Variants in VPS13A observed in about 807,000 individuals in gnomAD.
VPS13A encodes intermembrane lipid transfer protein VPS13A.
A neutral mutation model predicts 390.9 loss-of-function variants in VPS13A; 264 were observed. The observed-to-expected ratio is 0.68, with a 90% CI of 0.61 to 0.75. The LOEUF is 0.75. VPS13A is among the 30% of genes least tolerant of loss of function. The probability of loss-of-function intolerance (pLI) is 0.00; values close to 1 mark genes in which losing one functional copy is unlikely to be tolerated. For missense variants in VPS13A, 3,409 were observed against 3,733.9 expected, an observed-to-expected ratio of 0.91 and a Z score of 2.27; for synonymous variants, 1,231 against 1,227.1, an observed-to-expected ratio of 1.00 and a Z score of -0.07.
chr9:77,381,829 T>A (rs919074191), intron 67 of VPS13A, 147 bp from the exon 68 acceptor site: 68 of 608,044 alleles, frequency 1.1e-4, no homozygotes, highest in Non-Finnish European at 2.3e-5. Context: ...GAACTTACAC[T>A]GTTTATGTTA....
At chr9:77,369,718 A>C (rs769828938) in intron 63 of VPS13A, among the ~76,000 whole-genome samples, 2 of 152,230 alleles carry the variant, frequency 1.3e-5, no homozygotes, top group Non-Finnish European at 2.9e-5. Context: ...GAACTATAAA[A>C]ATAATCATGC....
intron 67 of VPS13A, among the ~76,000 whole-genome samples, chr9:77,378,556 T>A (rs1329081350): frequency 6.6e-6 from 1 of 152,100 alleles, no homozygotes; most frequent in Non-Finnish European, 1.5e-5. Flanking sequence ...GTGTTCCCTC[T>A]TTAATTCCTG....
At chr9:77,398,560 C>G (rs945021578) in intron 68 of VPS13A, among the ~76,000 whole-genome samples, 2 of 152,086 alleles carry the variant, frequency 1.3e-5, no homozygotes, top group African/African-American at 4.8e-5. Context: ...TTTGAGTAGT[C>G]TAAAGCTTCT....
At chr9:77,386,497 G>GAAA (rs566405140) in intron 68 of VPS13A, among the ~76,000 whole-genome samples, 2 of 148,738 alleles carry the variant, frequency 1.3e-5, no homozygotes, top group Non-Finnish European at 1.5e-5. Context: ...GAATTTATCG[G>GAAA]AAAAAAAAAA....
At chr9:77,363,221 T>C (rs1221865700) in intron 59 of VPS13A, among the ~76,000 whole-genome samples, 1 of 152,014 alleles carries the variant, frequency 6.6e-6, no homozygotes, top group Non-Finnish European at 1.5e-5. Flanking sequence ...GAGTATGATA[T>C]TGACCCTGGG....
At chr9:77,311,172 C>G (rs1829051808) in intron 35 of VPS13A, among the ~76,000 whole-genome samples, 1 of 152,104 alleles carries the variant, frequency 6.6e-6, no homozygotes, top group African/African-American at 2.4e-5. Context: ...GATCCCCCTG[C>G]CTCGGTCTCC....
intron 34 of VPS13A, among the ~76,000 whole-genome samples, chr9:77,304,442 T>C (rs1246197477): frequency 6.6e-6 from 1 of 152,170 alleles, no homozygotes; most frequent in African/African-American, 2.4e-5. Context: ...TCTCTCTTTC[T>C]TTTCCCTACA....
chr9:77,200,046 TC>T (rs1825234867), intron 2 of VPS13A, 58 bp downstream of exon 2: 1 of 1,392,538 alleles, frequency 7.2e-7, no homozygotes, highest in Non-Finnish European at 1.0e-6. Flanking sequence ...GTATAATTCT[TC>T]CTGATTCAGT....
intron 7 of VPS13A, chr9:77,211,565 G>A (rs1048362311): frequency 6.6e-6 from 1 of 152,034 alleles, no homozygotes; most frequent in African/African-American, 2.4e-5. Flanking sequence ...GCCAGAGCAG[G>A]CTCAGAGAGA....
chr9:77,383,582 A>G (rs1833547720), intron 68 of VPS13A, among the ~76,000 whole-genome samples: 1 of 152,068 alleles, frequency 6.6e-6, no homozygotes, highest in Admixed American at 6.6e-5. Flanking sequence ...TATCCTCATT[A>G]TAAGTGAGCA....
chr9:77,364,314 A>G (rs1427683210), intron 59 of VPS13A, among the ~76,000 whole-genome samples: 2 of 152,056 alleles, frequency 1.3e-5, no homozygotes, highest in Non-Finnish European at 2.9e-5. Flanking sequence ...AATCCCAGCT[A>G]CTCAGGAGGC....
In VPS13A at chr9:77,207,237, ATATATATATATATAT is replaced by A. The variant is rs1564630339; in HGVS notation, c.385+1159_385+1173del. Among the ~76,000 whole-genome samples the A allele has an allele frequency of 6.8e-4, 54 of 79,522 alleles. 1 individual carries two copies. Among genetic ancestry groups the A allele is most frequent in the Middle Eastern group, 0.011 (2 of 186 alleles). 52.2% of individuals were successfully genotyped at this position (79,522 alleles called of 152,430 possible). ...ATTATATATATATATATATATATAT[ATATATATATATATAT>A]AAAACGTGTTATATGTAACATAACA... On this transcript the variant is annotated intron_variant, in intron 5 of 71. Coordinates refer to ENST00000360280, the MANE Select transcript of VPS13A (RefSeq NM_033305.3).
chr9:77,213,798 C>A (rs1169176808), intron 9 of VPS13A, among the ~76,000 whole-genome samples: 2 of 152,088 alleles, frequency 1.3e-5, no homozygotes, highest in Non-Finnish European at 2.9e-5. Context: ...GCCACTGCAC[C>A]CAATGATACC....
intron 51 of VPS13A, 116 bp downstream of exon 51, chr9:77,344,397 A>C: frequency 1.8e-6 from 2 of 1,117,740 alleles, no homozygotes; most frequent in South Asian, 1.4e-5. Flanking sequence ...CCCTTTCCCC[A>C]AAAACGAACA....
chr9:77,194,490 C>T (rs749988402), intron 1 of VPS13A, among the ~76,000 whole-genome samples: 2 of 152,084 alleles, frequency 1.3e-5, no homozygotes, highest in African/African-American at 4.8e-5. Context: ...ATGGACATAC[C>T]TGGCCATGCT....
In VPS13A at chr9:77,266,869, C is replaced by CT. The variant is rs200854582; in HGVS notation, c.2428-6405dup. Among the ~76,000 whole-genome samples the CT allele has an allele frequency of 8.4e-3, 1,283 of 152,058 alleles. 10 individuals carry two copies. Among genetic ancestry groups the CT allele is most frequent in the South Asian group, 0.014 (67 of 4,814 alleles). On this transcript the variant is annotated intron_variant, in intron 23 of 71. Coordinates refer to ENST00000360280, the MANE Select transcript of VPS13A (RefSeq NM_033305.3). ...GAAGCTTTGTTTGTTCGTTTTCATT[C>CT]TTTTTTCTCTAATCTTGTCTTCATG...
At chr9:77,384,501 C>T in intron 68 of VPS13A, 1 of 1,575,168 alleles carries the variant, frequency 6.3e-7, no homozygotes, top group South Asian at 1.1e-5. Flanking sequence ...ACTCTTTGAA[C>T]ATTTCATAAT....
intron 62 of VPS13A, 90 bp downstream of exon 62, chr9:77,368,226 G>T: frequency 9.8e-7 from 1 of 1,023,104 alleles, no homozygotes; most frequent in Non-Finnish European, 1.5e-6. Flanking sequence ...GAACTATTGA[G>T]GAACTAAATA....
chr9:77,388,715 A>G (rs1587707114), intron 68 of VPS13A, among the ~76,000 whole-genome samples: 1 of 152,170 alleles, frequency 6.6e-6, no homozygotes, highest in East Asian at 1.9e-4. Context: ...TTTGTTTTTT[A>G]AAAGCAACCA....
Sources: gnomAD v4.1 joint callset for allele counts (sites outside exome capture counted in the v4.1 genomes callset) on GRCh38, gnomAD v4.1.1 for gene constraint, MANE v1.5 for transcripts, NCBI Gene and HGNC (gene_info 2026-07-23, HGNC 2026-07-21) for gene names.